METTL22: variants seen among roughly 807,000 people sequenced by gnomAD.
METTL22 encodes methyltransferase-like protein 22.
In METTL22, 51 loss-of-function variants were observed where a neutral mutation model predicts 48.4. The ratio of observed to expected loss-of-function variants is 1.05; its 90% confidence interval spans 0.84 to 1.33. The LOEUF (loss-of-function observed/expected upper bound fraction) is 1.33. METTL22 is among the 40% of genes most tolerant of loss of function. METTL22 has a pLI of 0.00. For missense variants in METTL22, 678 were observed against 526.9 expected (o/e 1.29, Z -2.81); for synonymous variants, 255 against 214.1 (o/e 1.19, Z -1.67).
At chr16:8,624,363 CTTTTTT>C (rs71152910) in intron 1 of METTL22, among the ~76,000 whole-genome samples, 1 of 139,638 alleles carries the variant, frequency 7.2e-6, no homozygotes, top group Non-Finnish European at 1.5e-5. Flanking sequence ...TCCACTCACT[CTTTTTT>C]TTTTTTTTTT....
rs750095250 is a variant in METTL22, at chr16:8,642,199, C to T, written c.899C>T (p.Ala300Val). ...DLYDHTTILF[A>V]AEVFYDDDLT... ...TACGATCACACCACCATCCTGTTTG[C>T]AGCCGAAGGTAAGAAAATTTCTCCT... The change falls in exon 8 of 11, where the codon GCA becomes GTA. Residue 300 changes from alanine to valine, a missense_variant. Physicochemically the swap from Ala to Val is moderately conservative, Grantham distance 64. Transcript: ENST00000381920. 11 of 1,612,724 alleles carry T rather than the reference C, an allele frequency of 6.8e-6. No homozygotes were observed. In the African/African-American group the frequency reaches 1.1e-4, roughly 16 times the overall value.
At chr16:8,657,584 G>A in the METTL22 span, among the ~76,000 whole-genome samples, 3 of 152,130 alleles carry the variant, frequency 2.0e-5, no homozygotes, top group Non-Finnish European at 2.9e-5. Context: ...AGTCAGTCCT[G>A]AGAAACTGAA....
downstream of METTL22, among the ~76,000 whole-genome samples, chr16:8,650,255 T>C (rs1391434854): frequency 6.6e-6 from 1 of 152,182 alleles, no homozygotes; most frequent in Admixed American, 6.5e-5. Flanking sequence ...GCGAAGGAAT[T>C]CTAGGCTGCA....
At chr16:8,635,436 T>G (rs2056395456) in intron 5 of METTL22, 124 bp downstream of exon 5, 17 of 1,210,450 alleles carry the variant, frequency 1.4e-5, no homozygotes, top group Non-Finnish European at 1.8e-5. Context: ...TTTGCCATCC[T>G]GGTCCCCTGG....
chr16:8,646,047 GAA>G, intron 10 of METTL22, 59 bp from the exon 11 acceptor site: 1 of 1,608,176 alleles, frequency 6.2e-7, no homozygotes, highest in African/African-American at 1.3e-5. Flanking sequence ...TTTCCTTAAT[GAA>G]ATTGTGATGC....
chr16:8,630,640 G>C (rs948493659), intron 3 of METTL22, among the ~76,000 whole-genome samples: 1 of 152,176 alleles, frequency 6.6e-6, no homozygotes, highest in Non-Finnish European at 1.5e-5. Flanking sequence ...TGTTGTGTCT[G>C]TAGTGAATGT....
rs781697504 is a variant in METTL22, at chr16:8,635,257, C to T, written c.645C>T (p.Gly215=). 7.5e-6 allele frequency: 12 copies of T among 1,607,614 alleles called. No individual in the cohort carries two copies. Among genetic ancestry groups the T allele is most frequent in the Middle Eastern group, 1.7e-4 (1 of 5,958 alleles). The part of the protein sequence containing the change: ...RGCTALELGA[G]TGLASIIAAT... The stretch of plus-strand genomic sequence containing the variant: ...GTACAGCGCTGGAGCTCGGGGCCGG[C>T]ACGGGGCTCGCTAGCATCATCGCAG... The change falls in exon 5 of 11, where the codon GGC becomes GGT. Residue 215 remains glycine (G), a synonymous_variant. Coordinates refer to ENST00000381920, the MANE Select transcript of METTL22 (RefSeq NM_024109.4).
intron 2 of METTL22, among the ~76,000 whole-genome samples, chr16:8,626,614 A>T (rs1470038614): frequency 2.0e-5 from 3 of 149,840 alleles, no homozygotes; most frequent in Admixed American, 1.3e-4. Context: ...ACGCCCAGCT[A>T]ATTTTTGTAT....
At chr16:8,624,000 A>G (rs1395565229) in intron 1 of METTL22, 1 of 152,220 alleles carries the variant, frequency 6.6e-6, no homozygotes, top group Non-Finnish European at 1.5e-5. Context: ...ATTAACACCT[A>G]CTGTGAGCCA....
chr16:8,642,334 A>C, intron 8 of METTL22, 127 bp downstream of exon 8: 1 of 1,235,570 alleles, frequency 8.1e-7, no homozygotes. Context: ...CCACATCTGC[A>C]GTTTTAATTC....
At chr16:8,665,186 G>C in the METTL22 span, among the ~76,000 whole-genome samples, 530 of 152,286 alleles carry the variant, frequency 3.5e-3, 2 homozygotes, top group African/African-American at 0.011. Context: ...CACATCTGTA[G>C]ACCTAGCTGC....
At chr16:8,641,208 C>A (rs771355111) in intron 7 of METTL22, 24 bp downstream of exon 7, 18 of 1,612,800 alleles carry the variant, frequency 1.1e-5, no homozygotes, top group South Asian at 1.1e-4. Flanking sequence ...TCGGACGTCC[C>A]CCAGTATGAT....
chr16:8,660,272 A>T, the METTL22 span, among the ~76,000 whole-genome samples: 1 of 151,966 alleles, frequency 6.6e-6, no homozygotes, highest in African/African-American at 2.4e-5. Context: ...CGCCCTCTGG[A>T]TTCAAGCAAT....
chr16:8,641,248 C>T (rs1370946324), intron 7 of METTL22, 64 bp downstream of exon 7: 1 of 1,542,480 alleles, frequency 6.5e-7, no homozygotes, highest in African/African-American at 1.4e-5. Flanking sequence ...ACCTCAGTGC[C>T]CCTGGCTCTG....
chr16:8,658,254 A>C, the METTL22 span, among the ~76,000 whole-genome samples: 1 of 151,826 alleles, frequency 6.6e-6, no homozygotes, highest in Non-Finnish European at 1.5e-5. Context: ...GCAAGGAAGA[A>C]CCCTCCCCTT....
downstream of METTL22, among the ~76,000 whole-genome samples, chr16:8,651,387 A>AAAAAAAAAAAAAAAAAAAAC: frequency 5.2e-5 from 1 of 19,076 alleles, no homozygotes; most frequent in African/African-American, 2.0e-4. Context: ...ACTCTGTCTC[A>AAAAAAAAAAAAAAAAAAAAC]AAAAAAAAAA....
At chr16:8,661,182 A>T in the METTL22 span, among the ~76,000 whole-genome samples, 1 of 151,522 alleles carries the variant, frequency 6.6e-6, no homozygotes. Flanking sequence ...GCCAGAAAGG[A>T]ATCCAAGGTA....
rs1293676620 is a variant in METTL22, at chr16:8,646,490, G to A, written c.*347G>A. 1.8e-6 allele frequency: 1 copy of A among 543,080 alleles called. No homozygotes were observed. The highest frequency in any genetic ancestry group is 1.5e-5 in the South Asian group (1 of 65,310). 33.6% of individuals were successfully genotyped at this position (543,080 alleles called of 1,614,324 possible). ...GCGGTTGCGGCCCTGGCTGTGAGGTGGATTCTTGTACTGCCCTCTGTCAGC... is the reference window on the plus strand; with the variant it reads ...GCGGTTGCGGCCCTGGCTGTGAGGTAGATTCTTGTACTGCCCTCTGTCAGC... On this transcript the variant is annotated 3_prime_UTR_variant, in exon 11 of 11. Coordinates refer to ENST00000381920, the MANE Select transcript of METTL22 (RefSeq NM_024109.4).
intron 3 of METTL22, 112 bp from the exon 4 acceptor site, chr16:8,634,927 A>G (rs910973078): frequency 1.4e-6 from 2 of 1,415,654 alleles, no homozygotes; most frequent in African/African-American, 1.4e-5. Flanking sequence ...CCTCATTCCA[A>G]CCTCTGACGC....
Sources: gnomAD v4.1 joint callset for allele counts (sites outside exome capture counted in the v4.1 genomes callset) on GRCh38, gnomAD v4.1.1 for gene constraint, MANE v1.5 for transcripts, NCBI Gene and HGNC (gene_info 2026-07-23, HGNC 2026-07-21) for gene names.